Variants in CLCA1 observed in about 807,000 individuals in gnomAD.
CLCA1 encodes chloride channel accessory 1.
A neutral mutation model predicts 85.6 loss-of-function variants in CLCA1; 59 were observed. The ratio of observed to expected loss-of-function variants is 0.69; its 90% CI spans 0.56 to 0.86. The LOEUF (loss-of-function observed/expected upper bound fraction) is 0.86. CLCA1 is among the 40% of genes least tolerant of loss of function. The pLI, the probability that CLCA1 is intolerant of heterozygous loss-of-function variation, is 0.00. For synonymous variants in CLCA1, 396 were observed against 398.3 expected, an observed-to-expected ratio of 0.99 and a Z score of 0.07; for missense variants, 1,022 against 1,101.4, an observed-to-expected ratio of 0.93 and a Z score of 1.02.
chr1:86,474,243 T>G (rs752035053), intron 3 of CLCA1, among the ~76,000 whole-genome samples: 1 of 152,142 alleles, frequency 6.6e-6, no homozygotes, highest in Non-Finnish European at 1.5e-5. Context: ...CCAGATGGCG[T>G]ATATGTGCAG....
At chr1:86,473,682 C>A in intron 2 of CLCA1, 47 bp from the exon 3 acceptor site, 1 of 1,528,732 alleles carries the variant, frequency 6.5e-7, no homozygotes, top group Non-Finnish European at 8.9e-7. Context: ...ATGGTTAATT[C>A]ATTTGCTGAA....
At chr1:86,486,017 G>GAAGAGA (rs142573088) in intron 6 of CLCA1, among the ~76,000 whole-genome samples, 1 of 147,322 alleles carries the variant, frequency 6.8e-6, no homozygotes, top group Non-Finnish European at 1.5e-5. Context: ...CATGGCAGCA[G>GAAGAGA]GAGAGAGAGA....
intron 7 of CLCA1, among the ~76,000 whole-genome samples, 183 bp downstream of exon 7, chr1:86,486,936 C>G (rs555597850): frequency 6.6e-6 from 1 of 152,254 alleles, no homozygotes; most frequent in East Asian, 1.9e-4. Context: ...TTGAAAGGGG[C>G]TGGCAGGCAT....
intron 12 of CLCA1, among the ~76,000 whole-genome samples, chr1:86,497,469 G>A (rs1032014776): frequency 6.6e-6 from 1 of 152,162 alleles, no homozygotes; most frequent in Non-Finnish European, 1.5e-5. Flanking sequence ...GAAAAGAAAA[G>A]AGAACCTGAG....
In CLCA1 at chr1:86,499,984, G is replaced by T. The variant is rs1318649380; in HGVS notation, c.2684G>T (p.Gly895Val). The T allele has an allele frequency of 1.2e-6, 2 of 1,612,368 alleles. No homozygotes were observed. The highest frequency in any genetic ancestry group is 2.7e-5 in the African/African-American group (2 of 74,856). ...PNIHINSTIP[G>V]IHILKIMWKW... ...ATTCATATCAACAGCACCATTCCTG[G>T]CATTCACATTTTAAAAATTATGTGG... The change falls in exon 14 of 14, where the codon GGC (glycine) becomes GTC (valine). Residue 895 changes from glycine to valine, a missense_variant. Transcript: ENST00000394711.
chr1:86,472,997 T>C (rs1351766333), intron 1 of CLCA1, among the ~76,000 whole-genome samples: 1 of 152,232 alleles, frequency 6.6e-6, no homozygotes, highest in Non-Finnish European at 1.5e-5. Context: ...GTGAAACGCA[T>C]AGCTAATATT....
intron 7 of CLCA1, among the ~76,000 whole-genome samples, chr1:86,487,622 T>C (rs1390903857): frequency 6.6e-6 from 1 of 152,146 alleles, no homozygotes; most frequent in East Asian, 1.9e-4. Flanking sequence ...GTGTCTGCTG[T>C]GGCCATATTA....
intron 6 of CLCA1, 100 bp from the exon 7 acceptor site, chr1:86,486,426 C>T: frequency 2.0e-6 from 2 of 1,013,250 alleles, no homozygotes; most frequent in Admixed American, 2.3e-5. Context: ...TGGTCATTTG[C>T]TCTACATTAA....
At chr1:86,490,120 T>G (rs1000634341) in intron 8 of CLCA1, among the ~76,000 whole-genome samples, 1 of 152,222 alleles carries the variant, frequency 6.6e-6, no homozygotes, top group Non-Finnish European at 1.5e-5. Flanking sequence ...GGTGGCCTTT[T>G]GCACCATTGT....
At chr1:86,472,450 G>A (rs1647530704) in intron 1 of CLCA1, among the ~76,000 whole-genome samples, 2 of 152,054 alleles carry the variant, frequency 1.3e-5, no homozygotes, top group South Asian at 4.2e-4. Context: ...TGAATGCTGG[G>A]GTCCCCCACA....
At position 86,476,548 on chromosome 1, in the gene CLCA1, A is replaced by AAG; in HGVS notation, c.552_553insAG (p.Val185ArgfsTer2). On this transcript the variant is annotated frameshift_variant, in exon 4 of 14. Transcript: ENST00000394711. LOFTEE classifies it high-confidence loss of function. ...ACTTATCCAATGGAAGAATACAAGCAGTAAGGTATGTATATTTTGATTTAA... is the reference window on the plus strand; with the variant it reads ...ACTTATCCAATGGAAGAATACAAGCAAGGTAAGGTATGTATATTTTGATTTAA... 1 of 1,464,922 alleles carries AAG rather than the reference A, an allele frequency of 6.8e-7. No homozygotes were observed. Among genetic ancestry groups the AAG allele is most frequent in the Non-Finnish European group, 9.6e-7 (1 of 1,044,924 alleles). 90.7% of individuals were successfully genotyped at this position (1,464,922 alleles called of 1,614,324 possible).
At position 86,468,932 on chromosome 1, in the gene CLCA1, G is replaced by T; in HGVS notation, c.-40G>T. On this transcript the variant is annotated 5_prime_UTR_variant, in exon 1 of 14. Transcript: ENST00000394711. ...GTAAAGAAAGACACCTTCGTAACCC[G>T]CATTTTCCAAAGAGAGAAATCACAG... The T allele has an allele frequency of 6.5e-7, 1 of 1,542,446 alleles. No individual in the cohort carries two copies. The highest frequency in any genetic ancestry group is 8.8e-7 in the Non-Finnish European group (1 of 1,135,672).
intron 12 of CLCA1, among the ~76,000 whole-genome samples, chr1:86,497,785 A>T (rs527597846): frequency 6.6e-6 from 1 of 152,342 alleles, no homozygotes; most frequent in Admixed American, 6.5e-5. Context: ...AATAGGAAAG[A>T]TAATGAAACT....
chr1:86,494,106 G>A (rs1648209008), intron 10 of CLCA1, 81 bp from the exon 11 acceptor site: 2 of 1,500,020 alleles, frequency 1.3e-6, no homozygotes, highest in Non-Finnish European at 1.8e-6. Flanking sequence ...ATATCAGAGG[G>A]TTTTCCCGTA....
chr1:86,471,417 TAA>T (rs967994970), intron 1 of CLCA1, among the ~76,000 whole-genome samples: 3 of 152,166 alleles, frequency 2.0e-5, no homozygotes, highest in Non-Finnish European at 4.4e-5. Context: ...TCTCTCAGCC[TAA>T]GAGTCTAAAT....
chr1:86,489,028 T>C lies in CLCA1; in HGVS notation c.1215T>C (p.Ser405=), dbSNP rs1332707647. The change falls in exon 8 of 14, where the codon TCT becomes TCC. Residue 405 remains serine (S), a synonymous_variant. Transcript: ENST00000394711. ...GGAAGAAATATCCAACTGATGGATCTGAAATTGTGCTGCTGACGGATGGGG... is the reference window on the plus strand; with the variant it reads ...GGAAGAAATATCCAACTGATGGATCCGAAATTGTGCTGCTGACGGATGGGG... ...VIRKKYPTDG[S]EIVLLTDGED... The C allele has an allele frequency of 6.2e-7, 1 of 1,614,090 alleles. No individual in the cohort carries two copies. Among genetic ancestry groups the C allele is most frequent in the Admixed American group, 1.7e-5 (1 of 60,008 alleles).
At chr1:86,478,793 A>G (rs2101732339) in intron 4 of CLCA1, among the ~76,000 whole-genome samples, 1 of 152,338 alleles carries the variant, frequency 6.6e-6, no homozygotes, top group South Asian at 2.1e-4. Context: ...TAAAACTTTT[A>G]ATTTCAATAT....
intron 4 of CLCA1, among the ~76,000 whole-genome samples, chr1:86,479,345 T>C (rs1029240652): frequency 6.6e-6 from 1 of 152,072 alleles, no homozygotes; most frequent in African/African-American, 2.4e-5. Flanking sequence ...ATAAAATCCT[T>C]CTCAAGGGGT....
intron 1 of CLCA1, among the ~76,000 whole-genome samples, chr1:86,472,016 T>C (rs1212473968): frequency 1.1e-5 from 1 of 90,168 alleles, no homozygotes; most frequent in Admixed American, 1.3e-4. Context: ...CCTTTTTCTT[T>C]TACATTTTTG....
Sources: allele counts gnomAD v4.1 joint callset (sites outside exome capture counted in the v4.1 genomes callset), GRCh38; gene constraint gnomAD v4.1.1; transcripts MANE v1.5; gene names NCBI Gene and HGNC (gene_info 2026-07-23, HGNC 2026-07-21).